Variants in NCAPD3 observed in about 807,000 individuals in gnomAD.
The protein encoded by NCAPD3 is condensin-2 complex subunit D3.
NCAPD3 carries 105 observed loss-of-function variants against 182.9 expected under a neutral mutation model. That is an observed-to-expected ratio of 0.57 (90% CI 0.49 to 0.68). The LOEUF is 0.68. NCAPD3 is among the 30% of genes least tolerant of loss of function. NCAPD3 has a pLI of 0.00. For missense variants in NCAPD3, 1,944 were observed against 1,837.0 expected, an observed-to-expected ratio of 1.06 and a Z score of -1.07; for synonymous variants, 815 against 679.9, an observed-to-expected ratio of 1.20 and a Z score of -3.09.
At position 134,204,888 on chromosome 11, in the gene NCAPD3, G is replaced by C. The variant is rs751254569; in HGVS notation, c.1089+11C>G. 4 of 1,596,516 alleles carry C rather than the reference G, an allele frequency of 2.5e-6. No homozygotes were observed. In the Admixed American group the frequency reaches 6.7e-5, roughly 27 times the overall value. ...CTTCCATGTTATTAATATTACTAAG[G>C]CAAACAGTACCTTGGCACAGATGTG... On this transcript the variant is annotated intron_variant, in intron 9 of 34. Transcript: ENST00000534548. This position sits in a 1 kb window ranked among gnomAD's most constrained non-coding sequence, Gnocchi z 4.3.
intron 7 of NCAPD3, among the ~76,000 whole-genome samples, chr11:134,207,044 T>C (rs1937628563): frequency 6.6e-6 from 1 of 152,206 alleles, no homozygotes; most frequent in Non-Finnish European, 1.5e-5. Context: ...GTCATTTACA[T>C]AGGGCAAAGA....
chr11:134,191,865 C>G (rs1944531274), intron 16 of NCAPD3, among the ~76,000 whole-genome samples: 1 of 152,130 alleles, frequency 6.6e-6, no homozygotes, highest in African/African-American at 2.4e-5. Flanking sequence ...GTATGCACAG[C>G]CGGAAGGTGA....
intron 26 of NCAPD3, 108 bp downstream of exon 26, chr11:134,168,361 T>A: frequency 6.5e-7 from 1 of 1,529,438 alleles, no homozygotes. Flanking sequence ...ATGACAGGGG[T>A]CTTCCTGCAG....
intron 27 of NCAPD3, among the ~76,000 whole-genome samples, chr11:134,164,313 G>A (rs1943691765): frequency 6.6e-6 from 1 of 152,248 alleles, no homozygotes; most frequent in Non-Finnish European, 1.5e-5. Flanking sequence ...AGAAAGAAGA[G>A]ATGACTGAGG....
Position 134,220,713 on chromosome 11 carries a change from T to C in NCAPD3, c.78A>G (p.Thr26=). 1 of 1,613,538 alleles carries C rather than the reference T, an allele frequency of 6.2e-7. No homozygotes were observed. The highest frequency in any genetic ancestry group is 1.1e-5 in the South Asian group (1 of 91,040). Residue 26 remains threonine, a synonymous_variant, in exon 2 of 35, where the codon ACA becomes ACG. Transcript: ENST00000534548. ...TCTCTGTGAAATCCAGTTCCCACAC[T>C]GTGTCAACCCATTCTAGGGGAAAAT... ...PLDLRLEWVD[T]VWELDFTETE...
intron 28 of NCAPD3, among the ~76,000 whole-genome samples, chr11:134,160,958 TC>T (rs1485909687): frequency 6.6e-6 from 1 of 151,962 alleles, no homozygotes; most frequent in Admixed American, 6.5e-5. Flanking sequence ...TTTTTTTTTT[TC>T]CTTTCTAGGG....
rs367885796 is a variant in NCAPD3 at position 134,181,059 on chromosome 11, G to C, written c.2559+18C>G. On this transcript the variant is annotated intron_variant, in intron 20 of 34. Transcript: ENST00000534548. ...AAAATGGAAGCGAAAAGAATGGTTA[G>C]GAAAAGCAGTCGCTTACCAACAGGT... 7.9e-5 allele frequency: 125 copies of C among 1,573,926 alleles called. No individual in the cohort carries two copies. Among genetic ancestry groups the C allele is most frequent in the Admixed American group, 2.8e-4 (17 of 59,884 alleles).
chr11:134,158,347 C>T lies in NCAPD3; in HGVS notation c.4016G>A (p.Arg1339Lys), dbSNP rs1411645896. The T allele has an allele frequency of 1.9e-6, 3 of 1,614,062 alleles. No individual in the cohort carries two copies. Among genetic ancestry groups the T allele is most frequent in the Non-Finnish European group, 2.5e-6 (3 of 1,180,038 alleles). The change falls in exon 30 of 35, where the codon AGG becomes AAG. Residue 1339 changes from arginine to lysine, a missense_variant. By Grantham distance (26) the Arg-to-Lys change is conservative (BLOSUM62 2). Around this residue, in one of 3 missense-constraint regions of NCAPD3, gnomAD observed 1,803 missense variants for 1,674.6 expected, o/e 1.08. Coordinates refer to ENST00000534548, the MANE Select transcript of NCAPD3 (RefSeq NM_015261.3). ...TCTTTACCTGGCTTTGGGCAGCAAC[C>T]TCTGCAATGGCCCTGTTTCAGGTGT... ...SPTPETGPLQ[R>K]LLPKARPMSL...
chr11:134,184,933 G>T lies in NCAPD3; in HGVS notation c.2305C>A (p.Leu769Ile). The T allele has an allele frequency of 6.2e-7, 1 of 1,613,786 alleles. No homozygotes were observed. Among genetic ancestry groups the T allele is most frequent in the Non-Finnish European group, 8.5e-7 (1 of 1,179,752 alleles). The change falls in exon 18 of 35, where the codon CTT (leucine) becomes ATT (isoleucine). Residue 769 changes from leucine to isoleucine, a missense_variant. Physicochemically the swap from Leu to Ile is conservative, Grantham distance 5 (BLOSUM62 2). Transcript: ENST00000534548. The part of the protein sequence containing the change: ...LCVIGHIAKH[L>I]PKSTRDKVTD... The stretch of plus-strand genomic sequence containing the variant: ...ACTTTGTCCCGGGTGCTCTTAGGAA[G>T]ATGCTTTGCAATATGCCCAATCACA...
chr11:134,172,741 G>A (rs372028717), intron 24 of NCAPD3, among the ~76,000 whole-genome samples: 4 of 152,206 alleles, frequency 2.6e-5, no homozygotes, highest in South Asian at 4.1e-4. Flanking sequence ...TTATACCAGC[G>A]ATTAAAAATG....
upstream of NCAPD3, chr11:134,224,158 G>C (rs1333241208): frequency 1.7e-6 from 1 of 598,760 alleles, no homozygotes; most frequent in Non-Finnish European, 3.0e-6. Flanking sequence ...CGGGTGTTCC[G>C]CTAATTCGTT....
Position 134,166,057 on chromosome 11 carries a change from TGGG to T in NCAPD3, c.3573+1936_3573+1938del, listed in dbSNP as rs376684411. On this transcript the variant is annotated intron_variant, in intron 27 of 34. Transcript: ENST00000534548. ...CGCACACTCACTAGTGAGATGAGCT[TGGG>T]GGAGCAGCACACTCACTTGTGAGAT... Among the ~76,000 whole-genome samples, 17 of 63,656 alleles carry T rather than the reference TGGG, an allele frequency of 2.7e-4. 1 individual carries two copies. In the South Asian group the frequency reaches 0.015, roughly 55 times the overall value. The allele number at this position is 63,656 out of a possible 152,430, so 41.8% of individuals were successfully genotyped here.
In NCAPD3 at chr11:134,177,329, G is replaced by A. The variant is rs140900576; in HGVS notation, c.2911C>T (p.Arg971Cys). 35 of 1,614,076 alleles carry A rather than the reference G, an allele frequency of 2.2e-5. No individual in the cohort carries two copies. The highest frequency in any genetic ancestry group is 6.7e-5 in the African/African-American group (5 of 74,944). Residue 971 changes from arginine to cysteine, a missense_variant, in exon 23 of 35, where the codon CGC becomes TGC. Physicochemically the swap from Arg to Cys is radical, Grantham distance 180 (BLOSUM62 -3). This residue lies in a region of NCAPD3 where 1,803 missense variants were observed against 1,674.6 expected (regional missense o/e 1.08). Transcript: ENST00000534548. The stretch of plus-strand genomic sequence containing the variant: ...TACTTGTCCACCATGATGGTGTAGC[G>A]AATGCAGAGATCGCACATTACAATG... ...VIIVMCDLCIRYTIMVDKYIP... is the reference protein window; with the variant it reads ...VIIVMCDLCICYTIMVDKYIP...
intron 29 of NCAPD3, 115 bp from the exon 30 acceptor site, chr11:134,158,610 A>T (rs2120534485): frequency 1.8e-6 from 2 of 1,109,570 alleles, no homozygotes; most frequent in Admixed American, 4.7e-5. Context: ...ACATGTGGAC[A>T]ACGTAATGAT....
intron 19 of NCAPD3, chr11:134,183,228 C>G: frequency 2.2e-6 from 1 of 451,322 alleles, no homozygotes. Flanking sequence ...AAGTTGTGTA[C>G]CACTGAGCCT....
chr11:134,225,426 G>A (rs1414105528), upstream of NCAPD3: 2 of 1,408,678 alleles, frequency 1.4e-6, no homozygotes. Context: ...AGCTCCTCCG[G>A]CGAGGCCTGT....
rs1367078262 is a variant in NCAPD3 at position 134,153,425 on chromosome 11, AGTT to A, written c.4253-65_4253-63del. 1.2e-5 allele frequency: 19 copies of A among 1,546,792 alleles called. No homozygotes were observed. The Admixed American group carries it at 1.3e-4, about 11-fold the overall frequency. On this transcript the variant is annotated intron_variant, in intron 32 of 34. Transcript: ENST00000534548. ...GTGGTCTATCGGAGGTCTCTGTTCT[AGTT>A]GTCCGTGGGACGTAGGCAGGGTGTC... is the stretch of plus-strand genomic sequence containing the variant.
At chr11:134,183,910 C>T (rs753399469) in intron 19 of NCAPD3, among the ~76,000 whole-genome samples, 1 of 152,088 alleles carries the variant, frequency 6.6e-6, no homozygotes, top group Non-Finnish European at 1.5e-5. Context: ...TAAATATATC[C>T]CAGCAATTAT....
intron 26 of NCAPD3, 114 bp downstream of exon 26, chr11:134,168,355 C>G: frequency 6.6e-7 from 1 of 1,520,610 alleles, no homozygotes; most frequent in Non-Finnish European, 9.1e-7. Context: ...GACAAGATGA[C>G]AGGGGTCTTC....
Sources: gnomAD v4.1 joint callset for allele counts (sites outside exome capture counted in the v4.1 genomes callset) on GRCh38, gnomAD v4.1.1 for gene constraint, gnomAD v4.1.1 regional missense constraint, Gnocchi (gnomAD v3.1) non-coding constraint, MANE v1.5 for transcripts, NCBI Gene and HGNC (gene_info 2026-07-23, HGNC 2026-07-21) for gene names.